The following HPSE variants were observed in gnomAD, a reference collection of about 807,000 sequenced individuals.
HPSE encodes heparanase, also known as endo-glucoronidase.
In HPSE, 48 loss-of-function variants were observed where a neutral mutation model predicts 65.1. The observed-to-expected ratio is 0.74, with a 90% confidence interval of 0.58 to 0.94. HPSE has a LOEUF of 0.94. Ranked by LOEUF, HPSE falls within the 40% of genes least tolerant of loss-of-function variation. The pLI is 0.00. For missense variants in HPSE, 644 were observed against 637.5 expected (o/e 1.01, Z -0.11); for synonymous variants, 243 against 260.0 (o/e 0.93, Z 0.63).
At position 83,322,829 on chromosome 4, in the gene HPSE, GTGTGTGTGTT is replaced by G. The variant is rs774583875; in HGVS notation, c.228-475_228-466del. ...TGTGTGTGTGTGTGTGTGTGTGTGT[GTGTGTGTGTT>G]TGTGTGTGGAGGGATGGGGTCTTGC... is the stretch of plus-strand genomic sequence containing the variant. On this transcript the variant is annotated intron_variant, in intron 1 of 11. Coordinates refer to ENST00000311412, the MANE Select transcript of HPSE (RefSeq NM_001098540.3). Among the ~76,000 whole-genome samples, 395 of 148,402 alleles carry G rather than the reference GTGTGTGTGTT, an allele frequency of 2.7e-3. 1 individual carries two copies. The highest frequency in any genetic ancestry group is 9.7e-3 in the African/African-American group (378 of 38,968).
In HPSE at chr4:83,334,842, T is replaced by G. The variant is rs1737556492; in HGVS notation, c.-60A>C. 6.9e-7 allele frequency: 1 copy of G among 1,446,804 alleles called. No individual in the cohort carries two copies. 89.6% of individuals were successfully genotyped at this position (1,446,804 alleles called of 1,614,324 possible). On this transcript the variant is annotated 5_prime_UTR_variant, in exon 1 of 12. Transcript: ENST00000311412. ...CCGCGCAGCGGAGAGTCGAGAGCTC[T>G]AGCACTTCCTCCCGCCGAGCCCCAG...
intron 3 of HPSE, among the ~76,000 whole-genome samples, chr4:83,316,185 C>G (rs1347712772): frequency 6.6e-6 from 1 of 152,006 alleles, no homozygotes; most frequent in African/African-American, 2.4e-5. Flanking sequence ...CGCCACCAAG[C>G]CCGGCTAGTT....
intron 1 of HPSE, among the ~76,000 whole-genome samples, chr4:83,328,302 C>A (rs1013276398): frequency 1.3e-5 from 2 of 152,168 alleles, no homozygotes; most frequent in Non-Finnish European, 2.9e-5. Context: ...GTTCCCATAG[C>A]TTTTTGACTC....
In HPSE at chr4:83,294,048, T is replaced by G. The variant is rs1278639759; in HGVS notation, c.*1296A>C. 2 of 152,192 alleles carry G rather than the reference T, an allele frequency of 1.3e-5. No homozygotes were observed. The highest frequency in any genetic ancestry group is 1.3e-4 in the Admixed American group (2 of 15,278). 9.4% of individuals were successfully genotyped at this position (152,192 alleles called of 1,614,324 possible). A position where few individuals can be genotyped will look rare whatever the true frequency, so the allele number is the denominator to read the frequency against. On this transcript the variant is annotated 3_prime_UTR_variant, in exon 12 of 12. Transcript: ENST00000311412. ...TCGCTTCCTTGCTTCCTGACCATATTAGGAGCATTCATATACATTTTTAAT... is the reference window on the plus strand; with the variant it reads ...TCGCTTCCTTGCTTCCTGACCATATGAGGAGCATTCATATACATTTTTAAT...
At chr4:83,310,153 C>A in intron 5 of HPSE, 75 bp from the exon 6 acceptor site, 1 of 980,308 alleles carries the variant, frequency 1.0e-6, no homozygotes, top group South Asian at 1.5e-5. Context: ...GAGTTTTATT[C>A]CCTAGAAATG....
At chr4:83,309,046 T>C in intron 7 of HPSE, 95 bp from the exon 8 acceptor site, 1 of 890,942 alleles carries the variant, frequency 1.1e-6, no homozygotes, top group South Asian at 1.5e-5. Flanking sequence ...AAACTTTGTA[T>C]TCCTAGACCC....
intron 4 of HPSE, among the ~76,000 whole-genome samples, chr4:83,312,794 A>G (rs1266220575): frequency 1.4e-5 from 2 of 142,470 alleles, no homozygotes; most frequent in African/African-American, 2.6e-5. Flanking sequence ...TCAGGAGATC[A>G]AGACCATCCT....
intron 6 of HPSE, 51 bp from the exon 7 acceptor site, chr4:83,309,546 G>T: frequency 9.7e-7 from 1 of 1,031,086 alleles, no homozygotes; most frequent in Middle Eastern, 2.0e-4. Flanking sequence ...TTTACTTTCT[G>T]CTTTTAGGTT....
At chr4:83,325,434 G>C (rs1044467046) in intron 1 of HPSE, among the ~76,000 whole-genome samples, 6 of 152,296 alleles carry the variant, frequency 3.9e-5, no homozygotes, top group African/African-American at 1.4e-4. Flanking sequence ...CCAAAGTGCT[G>C]GGATTACAGG....
rs200233701 is a variant in HPSE at position 83,295,054 on chromosome 4, C to CA, written c.*289dup. On this transcript the variant is annotated 3_prime_UTR_variant, in exon 12 of 12. Transcript: ENST00000311412. Reference sequence around the variant, plus strand: ...TGGGTGACAGAGAGAGATTCTGTCTCAAAATAAATAAATAAATAAATAATA... The same window carrying CA: ...TGGGTGACAGAGAGAGATTCTGTCTCAAAAATAAATAAATAAATAAATAATA... 2,359 of 160,282 alleles carry CA rather than the reference C, an allele frequency of 0.015. 27 individuals are homozygous for CA. Among genetic ancestry groups the CA allele is most frequent in the Admixed American group, 0.034 (520 of 15,518 alleles). The allele number at this position is 160,282 out of a possible 1,614,324, so 9.9% of individuals were successfully genotyped here.
intron 10 of HPSE, 28 bp downstream of exon 10, chr4:83,302,115 CTTGATGA>C: frequency 7.0e-7 from 1 of 1,437,436 alleles, no homozygotes; most frequent in Non-Finnish European, 9.8e-7. Context: ...CCCACTAAAA[CTTGATGA>C]TTGGTAAAGG....
chr4:83,331,135 C>T (rs1011909802), intron 1 of HPSE, among the ~76,000 whole-genome samples: 3 of 151,544 alleles, frequency 2.0e-5, no homozygotes, highest in African/African-American at 4.9e-5. Flanking sequence ...ACCCGGGAGG[C>T]GGAGGTTGCA....
chr4:83,297,551 T>C (rs1395655115), intron 11 of HPSE, among the ~76,000 whole-genome samples: 1 of 152,322 alleles, frequency 6.6e-6, no homozygotes, highest in Non-Finnish European at 1.5e-5. Flanking sequence ...AGCATTATTA[T>C]ATATTTGTTT....
At chr4:83,319,640 G>T (rs745466819) in intron 2 of HPSE, among the ~76,000 whole-genome samples, 171 bp from the exon 3 acceptor site, 3 of 152,062 alleles carry the variant, frequency 2.0e-5, no homozygotes, top group Admixed American at 2.0e-4. Flanking sequence ...CAAATTTGCC[G>T]GCTCATGAAT....
At chr4:83,334,489 GC>G in intron 1 of HPSE, 66 bp downstream of exon 1, 1 of 1,467,018 alleles carries the variant, frequency 6.8e-7, no homozygotes. Flanking sequence ...AAGGAGAGCG[GC>G]TGGCGGGGCA....
intron 8 of HPSE, among the ~76,000 whole-genome samples, chr4:83,307,787 A>G (rs1434810727): frequency 1.3e-5 from 2 of 152,194 alleles, no homozygotes; most frequent in Non-Finnish European, 2.9e-5. Context: ...TTCTAGGCTT[A>G]TAAGAATGAG....
intron 1 of HPSE, 117 bp downstream of exon 1, chr4:83,334,439 G>A (rs1222460355): frequency 2.5e-6 from 3 of 1,178,816 alleles, no homozygotes; most frequent in Non-Finnish European, 3.5e-6. Context: ...GGGAGAGACA[G>A]GCGGGGAGGT....
At position 83,313,106 on chromosome 4, in the gene HPSE, G is replaced by A; in HGVS notation, c.673+8C>T. 2 of 1,576,472 alleles carry A rather than the reference G, an allele frequency of 1.3e-6. No homozygotes were observed. The highest frequency in any genetic ancestry group is 3.4e-5 in the Admixed American group (2 of 58,926). ...CCTTATTAATGAATTGTTCCCTGGG[G>A]TACTCACCATTGCCTAGTTCCCAAG... On this transcript the variant is annotated splice_region_variant and intron_variant, in intron 4 of 11. Coordinates refer to ENST00000311412, the MANE Select transcript of HPSE (RefSeq NM_001098540.3).
In HPSE at chr4:83,322,373, A is replaced by G. The variant is rs1017212074; in HGVS notation, c.228-9T>C. The G allele has an allele frequency of 3.4e-5, 54 of 1,595,798 alleles. No homozygotes were observed. In the African/African-American group the frequency reaches 7.0e-4, roughly 21 times the overall value. On this transcript the variant is annotated splice_polypyrimidine_tract_variant and intron_variant, in intron 1 of 11. Transcript: ENST00000311412. ...TACGAAGCTTTGGAGAACTGTTAGGAAGACAAGCAAGAAAGTATAACTATT... is the reference window on the plus strand; with the variant it reads ...TACGAAGCTTTGGAGAACTGTTAGGGAGACAAGCAAGAAAGTATAACTATT...
Sources: allele counts gnomAD v4.1 joint callset (sites outside exome capture counted in the v4.1 genomes callset), GRCh38; gene constraint gnomAD v4.1.1; transcripts MANE v1.5; gene names NCBI Gene and HGNC (gene_info 2026-07-23, HGNC 2026-07-21).